The following TLN2 variants were observed in gnomAD, a reference collection of about 807,000 sequenced individuals.
TLN2 encodes talin-2.
Under a neutral mutation model 294.7 loss-of-function variants are expected in TLN2, and 118 were observed. The observed-to-expected ratio is 0.40, with a 90% CI of 0.34 to 0.47. The LOEUF is 0.47. Ranked by LOEUF, TLN2 falls within the 20% of genes least tolerant of loss-of-function variation. The probability of loss-of-function intolerance (pLI) is 0.84; values close to 1 mark genes in which losing one functional copy is unlikely to be tolerated. For synonymous variants in TLN2, 1,431 were observed against 1,304.5 expected, an observed-to-expected ratio of 1.10 and a Z score of -2.09; for missense variants, 3,083 against 3,282.2, an observed-to-expected ratio of 0.94 and a Z score of 1.48.
intron 12 of TLN2, among the ~76,000 whole-genome samples, chr15:62,692,098 G>C (rs764592108): frequency 1.3e-5 from 2 of 152,198 alleles, no homozygotes; most frequent in African/African-American, 4.8e-5. Context: ...TTTATTCTCT[G>C]AGCCCTTTCA....
chr15:62,681,393 A>T (rs1306710506), intron 11 of TLN2, among the ~76,000 whole-genome samples: 2 of 152,346 alleles, frequency 1.3e-5, no homozygotes, highest in Non-Finnish European at 1.5e-5. Context: ...AATGATATTG[A>T]ACACACCTAC....
chr15:62,495,255 C>T (rs149917221), intron 1 of TLN2, among the ~76,000 whole-genome samples: 184 of 152,210 alleles, frequency 1.2e-3, no homozygotes, highest in African/African-American at 4.1e-3. Context: ...GAGAGATGAA[C>T]GCGATACATG....
chr15:62,498,153 CAAA>C (rs538951284), intron 1 of TLN2, among the ~76,000 whole-genome samples: 7,119 of 93,384 alleles, frequency 0.076, 624 homozygotes, highest in African/African-American at 0.23. Flanking sequence ...GACCCTGCCT[CAAA>C]AAAAAAAAAA....
intron 2 of TLN2, among the ~76,000 whole-genome samples, chr15:62,605,246 G>A (rs1386331541): frequency 6.6e-6 from 1 of 152,128 alleles, no homozygotes; most frequent in African/African-American, 2.4e-5. Flanking sequence ...TAGTTTATAT[G>A]AAATATCCTA....
intron 41 of TLN2, 135 bp downstream of exon 41, chr15:62,766,557 G>T: frequency 1.4e-6 from 1 of 739,940 alleles, no homozygotes; most frequent in East Asian, 2.8e-5. Flanking sequence ...CGTTTAAGCT[G>T]CAGAAAATAA....
intron 37 of TLN2, 142 bp downstream of exon 37, chr15:62,755,835 T>C (rs577678029): frequency 2.5e-5 from 29 of 1,150,402 alleles, no homozygotes; most frequent in Middle Eastern, 2.4e-4. Flanking sequence ...TGTCACTGAA[T>C]AGGCATCCCT....
At chr15:62,807,065 G>C (rs1173754821) in intron 51 of TLN2, among the ~76,000 whole-genome samples, 1 of 152,038 alleles carries the variant, frequency 6.6e-6, no homozygotes, top group African/African-American at 2.4e-5. Context: ...GGGTGTGTTG[G>C]AAAAGACAGG....
At chr15:62,703,104 A>ATTT (rs34852037) in intron 19 of TLN2, among the ~76,000 whole-genome samples, 2 of 140,912 alleles carry the variant, frequency 1.4e-5, no homozygotes, top group Non-Finnish European at 3.1e-5. Context: ...AGCTTTCCTG[A>ATTT]TTTTTTTTTT....
At chr15:62,702,229 G>C (rs12594220) in intron 18 of TLN2, 29 bp downstream of exon 18, 1,459,158 of 1,553,346 alleles carry the variant, frequency 0.94, 691,747 homozygotes, top group Non-Finnish European at 0.97. Context: ...CAATCACTCA[G>C]GTTCTGATGG....
intron 26 of TLN2, among the ~76,000 whole-genome samples, chr15:62,723,538 C>CT (rs555674609): frequency 0.87 from 93,117 of 107,124 alleles, 40,927 homozygotes; most frequent in Non-Finnish European, 0.91. Flanking sequence ...ACTGTGAAAA[C>CT]TTTTTTTTTT....
chr15:62,701,265 GTTT>G, intron 17 of TLN2, 51 bp downstream of exon 17: 1 of 1,147,290 alleles, frequency 8.7e-7, no homozygotes, highest in Non-Finnish European at 1.2e-6. Flanking sequence ...TAAAAGCTGT[GTTT>G]TTTTTTTTAA....
rs1206296169 is a variant in TLN2 at position 62,844,218 on chromosome 15, T to C, written c.*3608T>C. 6.6e-6 allele frequency: 1 copy of C among 152,244 alleles called. No individual in the cohort carries two copies. The highest frequency in any genetic ancestry group is 1.9e-4 in the East Asian group (1 of 5,178). The allele number at this position is 152,244 out of a possible 1,614,324, so 9.4% of individuals were successfully genotyped here. On this transcript the variant is annotated 3_prime_UTR_variant, in exon 59 of 59. Coordinates refer to ENST00000636159, the MANE Select transcript of TLN2 (RefSeq NM_015059.3). ...TTCCCAAAGGTATCCCCAAGTACCATGTTGAAAATGTCCTCAGTCTGTTGC... is the reference window on the plus strand; with the variant it reads ...TTCCCAAAGGTATCCCCAAGTACCACGTTGAAAATGTCCTCAGTCTGTTGC...
At chr15:62,758,565 A>G (rs989357338) in intron 37 of TLN2, 5 of 152,222 alleles carry the variant, frequency 3.3e-5, no homozygotes, top group Admixed American at 2.6e-4. Flanking sequence ...TGCCCCTCAC[A>G]GCAGAGTTAA....
At chr15:62,793,955 C>T (rs1261237365) in intron 46 of TLN2, among the ~76,000 whole-genome samples, 1 of 151,972 alleles carries the variant, frequency 6.6e-6, no homozygotes, top group Non-Finnish European at 1.5e-5. Flanking sequence ...CCATAGCCCA[C>T]AGGGCTGTCC....
At position 62,714,359 on chromosome 15, in the gene TLN2, C is replaced by T. The variant is rs547195928; in HGVS notation, c.2635-1972C>T. Reference sequence around the variant, plus strand: ...CTGGGACTACAGGTGCCTGCCACCACGCCCGGCTAATTTTTTGTATTTTTA... The same window carrying T: ...CTGGGACTACAGGTGCCTGCCACCATGCCCGGCTAATTTTTTGTATTTTTA... On this transcript the variant is annotated intron_variant, in intron 22 of 58. Coordinates refer to ENST00000636159, the MANE Select transcript of TLN2 (RefSeq NM_015059.3). 1.6e-3 allele frequency among the ~76,000 whole-genome samples: 247 copies of T among 151,900 alleles called. 1 individual carries two copies. Among genetic ancestry groups the T allele is most frequent in the African/African-American group, 5.7e-3 (236 of 41,432 alleles).
chr15:62,487,455 A>G (rs1457376938), intron 1 of TLN2, among the ~76,000 whole-genome samples: 1 of 152,150 alleles, frequency 6.6e-6, no homozygotes, highest in East Asian at 1.9e-4. Context: ...GAATCATTTT[A>G]CAATTGAGTT....
Position 62,601,314 on chromosome 15 carries a change from A to G in TLN2, c.-162+11552A>G, listed in dbSNP as rs148349724. On this transcript the variant is annotated intron_variant, in intron 2 of 58. Transcript: ENST00000636159. Reference sequence around the variant, plus strand: ...AAAATATATCTGACCCAAAATGTCAATTGTGCCAAGGTTGAGAAACCCCAC... The same window carrying G: ...AAAATATATCTGACCCAAAATGTCAGTTGTGCCAAGGTTGAGAAACCCCAC... Among the ~76,000 whole-genome samples, 509 of 152,316 alleles carry G rather than the reference A, an allele frequency of 3.3e-3. 5 individuals carry two copies. The highest frequency in any genetic ancestry group is 0.011 in the African/African-American group (443 of 41,582).
intron 6 of TLN2, 114 bp downstream of exon 6, chr15:62,652,248 C>T (rs2140945690): frequency 7.7e-6 from 9 of 1,172,304 alleles, no homozygotes; most frequent in Non-Finnish European, 1.0e-5. Flanking sequence ...CTTAACACGC[C>T]GAGTTCTGCC....
chr15:62,670,330 C>A (rs567996536), intron 9 of TLN2, among the ~76,000 whole-genome samples: 1 of 152,302 alleles, frequency 6.6e-6, no homozygotes, highest in South Asian at 2.1e-4. Context: ...CACTTTTGTT[C>A]TGGGAGGTCA....
Sources: gnomAD v4.1 joint callset for allele counts (sites outside exome capture counted in the v4.1 genomes callset) on GRCh38, gnomAD v4.1.1 for gene constraint, MANE v1.5 for transcripts, NCBI Gene and HGNC (gene_info 2026-07-23, HGNC 2026-07-21) for gene names.